The following CUBN variants were observed in gnomAD, a reference collection of about 807,000 sequenced individuals.
CUBN encodes 460 kDa receptor.
Under a neutral mutation model 405.3 loss-of-function variants are expected in CUBN, and 282 were observed. That is an observed-to-expected ratio of 0.70 (90% confidence interval 0.63 to 0.77). The LOEUF (loss-of-function observed/expected upper bound fraction) is 0.77, where lower values mean the gene tolerates loss of function less well. Ranked by LOEUF, CUBN falls within the 30% of genes least tolerant of loss-of-function variation. The pLI, the probability that CUBN is intolerant of heterozygous loss-of-function variation, is 0.00. For missense variants in CUBN, 4,514 were observed against 4,475.2 expected (o/e 1.01, Z -0.25); for synonymous variants, 1,684 against 1,617.0 (o/e 1.04, Z -0.99).
chr10:16,850,468 TTTTA>T (rs1177427043), intron 60 of CUBN, among the ~76,000 whole-genome samples: 2 of 152,094 alleles, frequency 1.3e-5, no homozygotes, highest in Middle Eastern at 3.2e-3. Context: ...TACTTTTTTA[TTTTA>T]TTTATTTATT....
intron 27 of CUBN, among the ~76,000 whole-genome samples, chr10:17,020,696 T>C (rs942262488): frequency 1.3e-5 from 2 of 152,228 alleles, no homozygotes; most frequent in South Asian, 2.1e-4. Flanking sequence ...ATTTGAGCTA[T>C]GTATTTAATT....
intron 48 of CUBN, among the ~76,000 whole-genome samples, chr10:16,912,426 A>C (rs1381290566): frequency 6.6e-6 from 1 of 152,220 alleles, no homozygotes; most frequent in Admixed American, 6.5e-5. Context: ...GACCTCAAGG[A>C]GCTCACATTC....
chr10:16,866,647 T>G (rs1490433696), intron 59 of CUBN, among the ~76,000 whole-genome samples: 1 of 152,024 alleles, frequency 6.6e-6, no homozygotes, highest in African/African-American at 2.4e-5. Context: ...TATTTCAGAG[T>G]TTCACAGATT....
chr10:16,833,019 T>G (rs1277570757), intron 64 of CUBN, among the ~76,000 whole-genome samples: 1 of 152,100 alleles, frequency 6.6e-6, no homozygotes, highest in South Asian at 2.1e-4. Context: ...TGTGGAGTAA[T>G]GAAGGACAGC....
In CUBN at chr10:16,840,378, G is replaced by C; in HGVS notation, c.9984C>G (p.Thr3328=). Residue 3328 remains threonine (T), a synonymous_variant, in exon 62 of 67, where the codon ACC becomes ACG. Coordinates refer to ENST00000377833, the MANE Select transcript of CUBN (RefSeq NM_001081.4). ...VKITVWALQL[T]SQDCTQNYLQ... ...AGTAATTCTGCGTGCAGTCTTGCGA[G>C]GTCAGCTGTAATGCCCACACAGTTA... is the stretch of plus-strand genomic sequence containing the variant. The C allele has an allele frequency of 6.2e-7, 1 of 1,614,160 alleles. No homozygotes were observed. Among genetic ancestry groups the C allele is most frequent in the Non-Finnish European group, 8.5e-7 (1 of 1,180,028 alleles).
intron 43 of CUBN, among the ~76,000 whole-genome samples, chr10:16,922,160 C>T (rs1212542824): frequency 6.6e-6 from 1 of 152,048 alleles, no homozygotes; most frequent in Non-Finnish European, 1.5e-5. Flanking sequence ...CTGCCACATC[C>T]CCGGGGCCTG....
At chr10:16,954,340 G>A (rs756831716) in intron 32 of CUBN, 49 bp downstream of exon 32, 3 of 1,604,648 alleles carry the variant, frequency 1.9e-6, no homozygotes, top group South Asian at 2.2e-5. Context: ...GCACCAAACA[G>A]AGCACTGAAG....
intron 54 of CUBN, among the ~76,000 whole-genome samples, chr10:16,897,900 G>C (rs115395602): frequency 0.011 from 1,664 of 152,228 alleles, 27 homozygotes; most frequent in African/African-American, 0.038. Flanking sequence ...TCCAGAGAAG[G>C]AATGAGCCTA....
chr10:17,105,083 G>A (rs1027180115), intron 11 of CUBN, among the ~76,000 whole-genome samples: 1 of 151,998 alleles, frequency 6.6e-6, no homozygotes, highest in Non-Finnish European at 1.5e-5. Flanking sequence ...TTACAGGCAT[G>A]AGCCACCACG....
chr10:16,824,646 G>A lies in CUBN; in HGVS notation c.*329C>T, dbSNP rs376727720. On this transcript the variant is annotated 3_prime_UTR_variant, in exon 67 of 67. Coordinates refer to ENST00000377833, the MANE Select transcript of CUBN (RefSeq NM_001081.4). ...AGCAATTCTCCTGCCTCAGCCTCTC[G>A]AGTGGCTGGAATTACAGGCACCCAC... is the stretch of plus-strand genomic sequence containing the variant. 1.3e-4 allele frequency: 44 copies of A among 340,098 alleles called. No individual in the cohort carries two copies. Among genetic ancestry groups the A allele is most frequent in the South Asian group, 7.7e-4 (33 of 42,830 alleles). 21.1% of individuals were successfully genotyped at this position (340,098 alleles called of 1,614,324 possible).
intron 6 of CUBN, among the ~76,000 whole-genome samples, chr10:17,117,724 C>G (rs1443248735): frequency 2.0e-5 from 3 of 152,158 alleles, no homozygotes; most frequent in Non-Finnish European, 4.4e-5. Flanking sequence ...GCCACCGCAC[C>G]CTGCTGAAGA....
At chr10:17,028,246 T>C (rs1344413837) in intron 27 of CUBN, among the ~76,000 whole-genome samples, 1 of 149,546 alleles carries the variant, frequency 6.7e-6, no homozygotes, top group Non-Finnish European at 1.5e-5. Context: ...TTATTATTAT[T>C]ATTATTATTA....
At chr10:16,856,126 T>C (rs1839862725) in intron 59 of CUBN, among the ~76,000 whole-genome samples, 1 of 152,180 alleles carries the variant, frequency 6.6e-6, no homozygotes, top group African/African-American at 2.4e-5. Flanking sequence ...TCATATATAT[T>C]TACCATACTG....
chr10:16,880,704 T>C (rs1421471002), intron 56 of CUBN, among the ~76,000 whole-genome samples: 1 of 152,238 alleles, frequency 6.6e-6, no homozygotes, highest in African/African-American at 2.4e-5. Context: ...TTACCACACA[T>C]TCTTAAATCA....
chr10:16,827,373 G>T (rs1288805077), intron 66 of CUBN, among the ~76,000 whole-genome samples: 2 of 152,102 alleles, frequency 1.3e-5, no homozygotes, highest in African/African-American at 4.8e-5. Context: ...TCAAAGAAAG[G>T]TGTTAAGAAT....
chr10:17,017,268 C>T lies in CUBN; in HGVS notation c.4168+2565G>A, dbSNP rs892167077. Among the ~76,000 whole-genome samples, 3 of 152,180 alleles carry T rather than the reference C, an allele frequency of 2.0e-5. No individual in the cohort carries two copies. In the East Asian group the frequency reaches 5.8e-4, roughly 29 times the overall value. The stretch of plus-strand genomic sequence containing the variant: ...CAGAAACACTAGTTTTCCTCCTAGA[C>T]CACAAGGAGGACTGAGGAAGGTCAG... On this transcript the variant is annotated intron_variant, in intron 28 of 66. Transcript: ENST00000377833.
chr10:16,992,041 C>T (rs1456184348), intron 28 of CUBN, among the ~76,000 whole-genome samples: 1 of 152,200 alleles, frequency 6.6e-6, no homozygotes, highest in Non-Finnish European at 1.5e-5. Context: ...CACATATACA[C>T]CATGGAATAC....
intron 62 of CUBN, among the ~76,000 whole-genome samples, chr10:16,837,718 T>C (rs1481529230): frequency 6.6e-6 from 1 of 152,170 alleles, no homozygotes; most frequent in Non-Finnish European, 1.5e-5. Context: ...CTGTCTACTC[T>C]TGGATACCCC....
chr10:16,916,539 T>A (rs1206811630), intron 45 of CUBN, among the ~76,000 whole-genome samples: 1 of 152,182 alleles, frequency 6.6e-6, no homozygotes, highest in African/African-American at 2.4e-5. Flanking sequence ...TACTATTCAA[T>A]TATGTCTTAT....
Sources: allele counts gnomAD v4.1 joint callset (sites outside exome capture counted in the v4.1 genomes callset), GRCh38; gene constraint gnomAD v4.1.1; transcripts MANE v1.5; gene names NCBI Gene and HGNC (gene_info 2026-07-23, HGNC 2026-07-21).